Variants in SMAD2 observed in about 807,000 individuals in gnomAD.
SMAD2 encodes the protein MAD homolog 2.
SMAD2 carries 8 observed loss-of-function variants against 64.4 expected under a neutral mutation model. The ratio of observed to expected loss-of-function variants is 0.12; its 90% confidence interval spans 0.07 to 0.22. SMAD2 has a LOEUF of 0.22. SMAD2 is among the 10% of genes least tolerant of loss of function. The probability of loss-of-function intolerance (pLI) is 1.00; values close to 1 mark genes in which losing one functional copy is unlikely to be tolerated. For synonymous variants in SMAD2, 203 were observed against 195.8 expected (o/e 1.04, Z -0.31); for missense variants, 289 against 561.2 (o/e 0.51, Z 4.90).
In SMAD2 at chr18:47,823,079, T is replaced by A. The variant is rs1218132721; in HGVS notation, c.*18748A>T. 1.3e-5 allele frequency: 2 copies of A among 152,184 alleles called. No homozygotes were observed. The highest frequency in any genetic ancestry group is 4.8e-5 in the African/African-American group (2 of 41,452). 9.4% of individuals were successfully genotyped at this position (152,184 alleles called of 1,614,324 possible). ...AACAGGATACAATTGGAAACACTGG[T>A]TGTATTACCAAGGCTTTGATTAAAA... On this transcript the variant is annotated 3_prime_UTR_variant, in exon 11 of 11. Coordinates refer to ENST00000262160, the MANE Select transcript of SMAD2 (RefSeq NM_005901.6).
Position 47,821,341 on chromosome 18 carries a change from T to G in SMAD2, c.*20486A>C, listed in dbSNP as rs186338373. Reference sequence around the variant, plus strand: ...TTTTTCATTAGCTCCTGTAACTTTTTTCCTCTGGTTCTAACTCTTGCTGTT... The same window carrying G: ...TTTTTCATTAGCTCCTGTAACTTTTGTCCTCTGGTTCTAACTCTTGCTGTT... On this transcript the variant is annotated 3_prime_UTR_variant, in exon 11 of 11. Transcript: ENST00000262160. The G allele has an allele frequency of 6.6e-5, 10 of 152,318 alleles. No homozygotes were observed. In the East Asian group the frequency reaches 1.7e-3, roughly 26 times the overall value. The allele number at this position is 152,318 out of a possible 1,614,324, so 9.4% of individuals were successfully genotyped here.
intron 1 of SMAD2, among the ~76,000 whole-genome samples, chr18:47,899,343 T>C (rs1343163575): frequency 1.3e-5 from 2 of 151,922 alleles, no homozygotes; most frequent in African/African-American, 4.8e-5. Flanking sequence ...AACTGTCATG[T>C]GGTAATGAAA....
At chr18:47,925,448 G>A (rs371127821) in intron 1 of SMAD2, among the ~76,000 whole-genome samples, 2 of 152,144 alleles carry the variant, frequency 1.3e-5, no homozygotes, top group African/African-American at 4.8e-5. Flanking sequence ...ACACAGAATT[G>A]CCCTAATATT....
intron 5 of SMAD2, 154 bp downstream of exon 5, chr18:47,868,169 A>G (rs1279483370): frequency 1.5e-6 from 1 of 686,950 alleles, no homozygotes; most frequent in Admixed American, 2.2e-5. Flanking sequence ...AGGCTTATAC[A>G]TTTCACAAAA....
rs1004844930 is a variant in SMAD2, at chr18:47,907,211, A to C, written c.-53-10402T>G. On this transcript the variant is annotated intron_variant, in intron 1 of 10. Transcript: ENST00000262160. ...GAAAAATAAATACGTATGTCCACAAAAAGAAACCTGTATAAGAATGTTCAT... is the reference window on the plus strand; with the variant it reads ...GAAAAATAAATACGTATGTCCACAACAAGAAACCTGTATAAGAATGTTCAT... Among the ~76,000 whole-genome samples the C allele has an allele frequency of 3.9e-5, 6 of 152,360 alleles. No individual in the cohort carries two copies. The East Asian group carries it at 1.2e-3, about 29-fold the overall frequency.
chr18:47,869,187 T>C (rs1315648081), intron 4 of SMAD2, 56 bp downstream of exon 4: 2 of 1,278,900 alleles, frequency 1.6e-6, no homozygotes, highest in Non-Finnish European at 2.3e-6. Context: ...TACTTAAATA[T>C]ACTGAAGTTC....
At chr18:47,908,587 T>C (rs1050176547) in intron 1 of SMAD2, among the ~76,000 whole-genome samples, 2 of 152,162 alleles carry the variant, frequency 1.3e-5, no homozygotes, top group African/African-American at 4.8e-5. Flanking sequence ...TATCAAAACT[T>C]ACACAAACAC....
chr18:47,851,685 G>A (rs189388365), intron 6 of SMAD2, among the ~76,000 whole-genome samples: 28 of 152,058 alleles, frequency 1.8e-4, no homozygotes, highest in Admixed American at 1.4e-3. Flanking sequence ...AGTGGTAACC[G>A]TTTTTCATCT....
chr18:47,920,752 TAC>T (rs2034528662), intron 1 of SMAD2, among the ~76,000 whole-genome samples: 1 of 152,274 alleles, frequency 6.6e-6, no homozygotes, highest in African/African-American at 2.4e-5. Context: ...AAATCTATCT[TAC>T]AGACATACCT....
intron 1 of SMAD2, among the ~76,000 whole-genome samples, chr18:47,900,355 T>A (rs1483516146): frequency 3.3e-5 from 5 of 152,154 alleles, no homozygotes; most frequent in African/African-American, 1.2e-4. Flanking sequence ...GATCCAGCCC[T>A]AACTACTCAA....
intron 6 of SMAD2, among the ~76,000 whole-genome samples, chr18:47,861,352 T>C (rs1472754297): frequency 6.6e-6 from 1 of 151,798 alleles, no homozygotes; most frequent in Non-Finnish European, 1.5e-5. Context: ...AAAAAAACTG[T>C]CCTTATCAAC....
At position 47,838,603 on chromosome 18, in the gene SMAD2, G is replaced by C. The variant is rs1198696601; in HGVS notation, c.*3224C>G. 4.3e-6 allele frequency: 1 copy of C among 232,910 alleles called. No individual in the cohort carries two copies. 14.4% of individuals were successfully genotyped at this position (232,910 alleles called of 1,614,324 possible). A position where few individuals can be genotyped will look rare whatever the true frequency, so the allele number is the denominator to read the frequency against. ...TAGGATAAAAAGAGCACAATCAGCGGTATTCCAGAAGGTAGGCCTAAATCC... is the reference window on the plus strand; with the variant it reads ...TAGGATAAAAAGAGCACAATCAGCGCTATTCCAGAAGGTAGGCCTAAATCC... On this transcript the variant is annotated 3_prime_UTR_variant, in exon 11 of 11. Coordinates refer to ENST00000262160, the MANE Select transcript of SMAD2 (RefSeq NM_005901.6).
rs1912970074 is a variant in SMAD2 at position 47,831,024 on chromosome 18, T to A, written c.*10803A>T. On this transcript the variant is annotated 3_prime_UTR_variant, in exon 11 of 11. Coordinates refer to ENST00000262160, the MANE Select transcript of SMAD2 (RefSeq NM_005901.6). ...CATCCTCATTCCACAGGTAGCCCGTTCTTGGCTGGGTTATGGCTTGTAATC... is the reference window on the plus strand; with the variant it reads ...CATCCTCATTCCACAGGTAGCCCGTACTTGGCTGGGTTATGGCTTGTAATC... 2 of 152,398 alleles carry A rather than the reference T, an allele frequency of 1.3e-5. No homozygotes were observed. Among genetic ancestry groups the A allele is most frequent in the African/African-American group, 4.8e-5 (2 of 41,472 alleles). The allele number at this position is 152,398 out of a possible 1,614,324, so 9.4% of individuals were successfully genotyped here. A position where few individuals can be genotyped will look rare whatever the true frequency, so the allele number is the denominator to read the frequency against.
Position 47,824,769 on chromosome 18 carries a change from T to C in SMAD2, c.*17058A>G, listed in dbSNP as rs1223329353. 5.3e-5 allele frequency: 8 copies of C among 152,356 alleles called. No homozygotes were observed. The East Asian group carries it at 1.5e-3, about 29-fold the overall frequency. The allele number at this position is 152,356 out of a possible 1,614,324, so 9.4% of individuals were successfully genotyped here. The stretch of plus-strand genomic sequence containing the variant: ...ACATAAAAAGTATGTCGAACATTTT[T>C]AATTTCAAACACCAAACTTAAATAG... On this transcript the variant is annotated 3_prime_UTR_variant, in exon 11 of 11. Transcript: ENST00000262160.
intron 1 of SMAD2, among the ~76,000 whole-genome samples, chr18:47,904,163 T>G (rs765526436): frequency 6.6e-6 from 1 of 150,628 alleles, no homozygotes; most frequent in Non-Finnish European, 1.5e-5. Flanking sequence ...ATTCACAAGC[T>G]CTTTTCCAAG....
intron 2 of SMAD2, among the ~76,000 whole-genome samples, chr18:47,882,954 C>A (rs544572772): frequency 3.9e-5 from 6 of 152,202 alleles, no homozygotes; most frequent in South Asian, 2.1e-4. Context: ...CATGACAATC[C>A]CTCTTTCAGT....
intron 1 of SMAD2, among the ~76,000 whole-genome samples, chr18:47,901,118 A>C (rs1215457828): frequency 6.6e-6 from 1 of 152,140 alleles, no homozygotes; most frequent in Non-Finnish European, 1.5e-5. Flanking sequence ...ATATATGTGC[A>C]TCCATTGTGA....
chr18:47,866,042 C>T (rs1011392514), intron 5 of SMAD2, among the ~76,000 whole-genome samples: 7 of 152,066 alleles, frequency 4.6e-5, no homozygotes, highest in African/African-American at 1.2e-4. Flanking sequence ...CGAGGCCAGG[C>T]GCGGTGGCTT....
At chr18:47,848,439 G>C (rs1914750266) in intron 8 of SMAD2, 36 bp downstream of exon 8, 5 of 1,453,530 alleles carry the variant, frequency 3.4e-6, no homozygotes, top group Non-Finnish European at 4.8e-6. Flanking sequence ...TGAGTATACA[G>C]CATTTATTTT....
Sources: allele counts gnomAD v4.1 joint callset (sites outside exome capture counted in the v4.1 genomes callset), GRCh38; gene constraint gnomAD v4.1.1; transcripts MANE v1.5; gene names NCBI Gene and HGNC (gene_info 2026-07-23, HGNC 2026-07-21).